FAM120A: variants seen among roughly 807,000 people sequenced by gnomAD.
FAM120A encodes constitutive coactivator of PPAR-gamma-like protein 1.
In FAM120A, 15 loss-of-function variants were observed where a neutral mutation model predicts 109.7. The ratio of observed to expected loss-of-function variants is 0.14; its 90% CI spans 0.09 to 0.21. FAM120A has a LOEUF of 0.21. Among genes scored for constraint, FAM120A ranks in the 10% least tolerant of loss-of-function variants. The probability of loss-of-function intolerance (pLI) is 1.00; values close to 1 mark genes in which losing one functional copy is unlikely to be tolerated. For missense variants in FAM120A, 899 were observed against 1,439.3 expected, an observed-to-expected ratio of 0.62 and a Z score of 6.07; for synonymous variants, 493 against 572.8, an observed-to-expected ratio of 0.86 and a Z score of 1.99.
intron 9 of FAM120A, 145 bp downstream of exon 9, chr9:93,529,725 A>G: frequency 1.4e-6 from 1 of 728,644 alleles, no homozygotes; most frequent in African/African-American, 1.8e-5. Context: ...CTTTCTAAAC[A>G]TTGAATGAAA....
At chr9:93,538,040 T>A (rs1307992101) in intron 10 of FAM120A, among the ~76,000 whole-genome samples, 1 of 70,518 alleles carries the variant, frequency 1.4e-5, no homozygotes, top group Non-Finnish European at 3.7e-5. Flanking sequence ...CCTTGTACTC[T>A]TTTTTTTTTT....
chr9:93,551,624 T>C (rs1166087856), intron 12 of FAM120A, among the ~76,000 whole-genome samples: 2 of 152,190 alleles, frequency 1.3e-5, no homozygotes, highest in East Asian at 3.8e-4. Context: ...ATTCTTTCCA[T>C]GGAGGGGAAT....
intron 1 of FAM120A, among the ~76,000 whole-genome samples, chr9:93,463,788 A>G (rs752255137): frequency 1.8e-4 from 27 of 152,372 alleles, no homozygotes; most frequent in Admixed American, 1.5e-3. Flanking sequence ...GAAAAACCAC[A>G]TTAACGGTAT....
chr9:93,522,967 G>A (rs1412240506), intron 7 of FAM120A, among the ~76,000 whole-genome samples: 2 of 152,202 alleles, frequency 1.3e-5, no homozygotes, highest in African/African-American at 4.8e-5. Context: ...AGAGTCTCTT[G>A]GTTGGTATTT....
chr9:93,527,270 G>A lies in FAM120A; in HGVS notation c.1506+28G>A, dbSNP rs764740745. The A allele has an allele frequency of 8.4e-6, 13 of 1,547,698 alleles. No individual in the cohort carries two copies. The East Asian group carries it at 2.5e-4, about 29-fold the overall frequency. On this transcript the variant is annotated intron_variant, in intron 8 of 17. Transcript: ENST00000277165. Reference sequence around the variant, plus strand: ...AGAAAGTCTATGCCTTTTAGTTTTTGAGTTCTGACTCATTTTGTATTAGCA... The same window carrying A: ...AGAAAGTCTATGCCTTTTAGTTTTTAAGTTCTGACTCATTTTGTATTAGCA...
At chr9:93,545,780 CTTT>C (rs774150537) in intron 11 of FAM120A, among the ~76,000 whole-genome samples, 7,711 of 64,766 alleles carry the variant, frequency 0.12, 239 homozygotes, top group African/African-American at 0.16. Context: ...GGAAAGACTC[CTTT>C]TTTTTTTTTT....
rs1861463503 is a variant in FAM120A at position 93,535,001 on chromosome 9, G to T, written c.1909+2672G>T. On this transcript the variant is annotated intron_variant, in intron 10 of 17. Coordinates refer to ENST00000277165, the MANE Select transcript of FAM120A (RefSeq NM_014612.5). The stretch of plus-strand genomic sequence containing the variant: ...TGTAGTTTAGTACTTCTTTGCCAAT[G>T]GTAGTTTAGTACTTCTTCAATGGTA... Among the ~76,000 whole-genome samples the T allele has an allele frequency of 2.0e-5, 3 of 152,174 alleles. No individual in the cohort carries two copies. In the South Asian group the frequency reaches 6.2e-4, roughly 32 times the overall value.
At chr9:93,485,824 A>G (rs1172797512) in intron 3 of FAM120A, among the ~76,000 whole-genome samples, 1 of 151,874 alleles carries the variant, frequency 6.6e-6, no homozygotes, top group Non-Finnish European at 1.5e-5. Flanking sequence ...TTGGCCAACC[A>G]CTAATATGAC....
intron 3 of FAM120A, among the ~76,000 whole-genome samples, chr9:93,492,442 A>G (rs981126431): frequency 2.0e-5 from 3 of 152,128 alleles, no homozygotes; most frequent in African/African-American, 7.2e-5. Flanking sequence ...GTCTCCAGCC[A>G]CTTTCTCATG....
chr9:93,506,965 G>T (rs530814784), intron 5 of FAM120A, among the ~76,000 whole-genome samples: 1 of 152,208 alleles, frequency 6.6e-6, no homozygotes, highest in South Asian at 2.1e-4. Context: ...GATCTTAAGG[G>T]GGAGTCTGAT....
intron 5 of FAM120A, among the ~76,000 whole-genome samples, chr9:93,504,580 C>T (rs1313340336): frequency 2.6e-5 from 4 of 152,228 alleles, no homozygotes; most frequent in Admixed American, 2.0e-4. Context: ...ATGTACTCCT[C>T]TGACTTGCCT....
At chr9:93,521,543 C>T (rs1417384759) in intron 7 of FAM120A, among the ~76,000 whole-genome samples, 1 of 150,826 alleles carries the variant, frequency 6.6e-6, no homozygotes, top group Non-Finnish European at 1.5e-5. Context: ...GATGGCACCA[C>T]TGCAGTCCAG....
rs534594906 is a variant in FAM120A at position 93,533,239 on chromosome 9, G to T, written c.1909+910G>T. ...TCCTCCTGAGATGGTGAAGCTCCTT[G>T]TCAGCACTGACTGTGTGCAGTGCTG... On this transcript the variant is annotated intron_variant, in intron 10 of 17. Coordinates refer to ENST00000277165, the MANE Select transcript of FAM120A (RefSeq NM_014612.5). 3.9e-5 allele frequency among the ~76,000 whole-genome samples: 6 copies of T among 152,328 alleles called. No individual in the cohort carries two copies. The East Asian group carries it at 1.2e-3, about 29-fold the overall frequency.
Position 93,543,347 on chromosome 9 carries a change from A to G in FAM120A, c.2035A>G (p.Lys679Glu). The change falls in exon 11 of 18, where the codon AAG (lysine) becomes GAG (glutamate). Residue 679 changes from lysine (K) to glutamate (E), a missense_variant. Around this residue, in one of 11 missense-constraint regions of FAM120A, gnomAD observed 133 missense variants for 276.6 expected, o/e 0.48. Coordinates refer to ENST00000277165, the MANE Select transcript of FAM120A (RefSeq NM_014612.5). ...CPNLKRLWLG[K>E]AVEDKNRRMR... ...CAACCTGAAGAGGCTGTGGTTGGGT[A>G]AGGCGGTAGAGGACAAGAACCGCAG... 6.2e-7 allele frequency: 1 copy of G among 1,614,174 alleles called. No homozygotes were observed. The highest frequency in any genetic ancestry group is 8.5e-7 in the Non-Finnish European group (1 of 1,180,020).
intron 2 of FAM120A, among the ~76,000 whole-genome samples, chr9:93,475,166 C>A (rs1170744426): frequency 1.3e-5 from 2 of 152,154 alleles, no homozygotes; most frequent in African/African-American, 4.8e-5. Context: ...ATTTATGTTT[C>A]ATATATACCT....
intron 11 of FAM120A, among the ~76,000 whole-genome samples, chr9:93,548,213 C>T (rs1245000798): frequency 6.6e-6 from 1 of 152,156 alleles, no homozygotes; most frequent in African/African-American, 2.4e-5. Context: ...ACGCCATTCT[C>T]CTGCCTCACC....
intron 3 of FAM120A, among the ~76,000 whole-genome samples, chr9:93,484,781 C>T (rs1858963907): frequency 6.6e-6 from 1 of 152,134 alleles, no homozygotes; most frequent in Non-Finnish European, 1.5e-5. Context: ...GCCATGTTGG[C>T]CAGGCTGGTC....
intron 1 of FAM120A, among the ~76,000 whole-genome samples, chr9:93,461,442 G>A (rs1018730285): frequency 5.3e-5 from 8 of 152,152 alleles, no homozygotes; most frequent in African/African-American, 1.2e-4. Flanking sequence ...GAAATAAATA[G>A]TATCAACCTG....
At chr9:93,536,501 T>G (rs1391732326) in intron 10 of FAM120A, among the ~76,000 whole-genome samples, 2 of 152,246 alleles carry the variant, frequency 1.3e-5, no homozygotes, top group African/African-American at 4.8e-5. Flanking sequence ...CAAGATGGCC[T>G]TATTATCAGA....
Sources: allele counts gnomAD v4.1 joint callset (sites outside exome capture counted in the v4.1 genomes callset), GRCh38; gene constraint gnomAD v4.1.1; regional missense constraint gnomAD v4.1.1; transcripts MANE v1.5; gene names NCBI Gene and HGNC (gene_info 2026-07-23, HGNC 2026-07-21).